PRPH2: variants seen among roughly 807,000 people sequenced by gnomAD.
PRPH2 encodes peripherin-2.
Under a neutral mutation model 31.3 loss-of-function variants are expected in PRPH2, and 17 were observed. That is an observed-to-expected ratio of 0.54 (90% CI 0.37 to 0.81). PRPH2 has a LOEUF of 0.81. PRPH2 is among the 40% of genes least tolerant of loss of function. PRPH2 has a pLI of 0.00. For synonymous variants in PRPH2, 165 were observed against 184.4 expected, an observed-to-expected ratio of 0.89 and a Z score of 0.85; for missense variants, 430 against 439.7, an observed-to-expected ratio of 0.98 and a Z score of 0.20.
intron 1 of PRPH2, among the ~76,000 whole-genome samples, chr6:42,705,686 G>T (rs1161045998): frequency 6.9e-6 from 1 of 144,496 alleles, no homozygotes; most frequent in African/African-American, 2.5e-5. Flanking sequence ...GCCAGGCGCG[G>T]TGGCTCACGC....
chr6:42,699,749 CG>C (rs969175691), intron 2 of PRPH2, among the ~76,000 whole-genome samples: 1 of 151,988 alleles, frequency 6.6e-6, no homozygotes, highest in African/African-American at 2.4e-5. Context: ...AAATAATTGC[CG>C]GGTGTGGTGG....
intron 1 of PRPH2, 111 bp downstream of exon 1, chr6:42,721,643 C>G (rs755379949): frequency 2.8e-5 from 35 of 1,265,998 alleles, no homozygotes; most frequent in Non-Finnish European, 3.9e-5. Context: ...AGTTGTGCAC[C>G]CGATGGAGAG....
At chr6:42,712,965 C>T (rs1761698864) in intron 1 of PRPH2, among the ~76,000 whole-genome samples, 1 of 151,876 alleles carries the variant, frequency 6.6e-6, no homozygotes, top group South Asian at 2.1e-4. Context: ...TGGCTCATGC[C>T]TGTAATCCCA....
intron 2 of PRPH2, among the ~76,000 whole-genome samples, chr6:42,699,542 G>A (rs920695319): frequency 2.0e-5 from 3 of 152,174 alleles, no homozygotes; most frequent in Admixed American, 6.5e-5. Context: ...CAGATTTTCA[G>A]ATGAAGTGGT....
chr6:42,706,753 T>G (rs1800171788), intron 1 of PRPH2, among the ~76,000 whole-genome samples: 1 of 152,242 alleles, frequency 6.6e-6, no homozygotes, highest in African/African-American at 2.4e-5. Flanking sequence ...GTCCATCTTT[T>G]GCTTCTAAAT....
intron 2 of PRPH2, among the ~76,000 whole-genome samples, chr6:42,701,229 A>G (rs188156595): frequency 2.0e-5 from 3 of 152,024 alleles, no homozygotes; most frequent in Admixed American, 1.3e-4. Flanking sequence ...GGTTCAAGCA[A>G]TTCTCCTGCC....
In PRPH2 at chr6:42,709,334, T is replaced by TAAAA. The variant is rs58632063; in HGVS notation, c.582-4727_582-4724dup. 4.3e-3 allele frequency among the ~76,000 whole-genome samples: 334 copies of TAAAA among 77,024 alleles called. 9 individuals carry two copies. Among genetic ancestry groups the TAAAA allele is most frequent in the African/African-American group, 0.016 (317 of 20,156 alleles). The allele number at this position is 77,024 out of a possible 152,430, so 50.5% of individuals were successfully genotyped here. ...AACAGAGTGAGACTCTGTCTCAAAT[T>TAAAA]AAAAAAAAAAAAAAAAAAAAACTTG... On this transcript the variant is annotated intron_variant, in intron 1 of 2. Transcript: ENST00000230381.
intron 1 of PRPH2, among the ~76,000 whole-genome samples, chr6:42,721,164 T>C (rs1019354766): frequency 6.6e-6 from 1 of 152,108 alleles, no homozygotes; most frequent in Non-Finnish European, 1.5e-5. Context: ...GCAGAGTGAC[T>C]AGTGACCTGC....
At chr6:42,715,117 G>A (rs1761750383) in intron 1 of PRPH2, among the ~76,000 whole-genome samples, 1 of 152,148 alleles carries the variant, frequency 6.6e-6, no homozygotes, top group African/African-American at 2.4e-5. Context: ...GTTGAGGCAG[G>A]AGAATCGCTT....
chr6:42,707,900 C>T (rs966483628), intron 1 of PRPH2, among the ~76,000 whole-genome samples: 13 of 152,208 alleles, frequency 8.5e-5, no homozygotes, highest in African/African-American at 3.1e-4. Flanking sequence ...CCTGGGTTTA[C>T]TCCTGGCTCG....
rs1318661179 is a variant in PRPH2 at position 42,721,887 on chromosome 6, A to G, written c.448T>C (p.Cys150Arg). 6.2e-7 allele frequency: 1 copy of G among 1,614,046 alleles called. No individual in the cohort carries two copies. The highest frequency in any genetic ancestry group is 8.5e-7 in the Non-Finnish European group (1 of 1,180,034). Residue 150 changes from cysteine to arginine, a missense_variant, in exon 1 of 3, where the codon TGT becomes CGT. Cys to Arg is a radical substitution (Grantham distance 180). Transcript: ENST00000230381. Reference protein sequence around the residue: ...YYRDTDTPGRCFMKKTIDMLQ... With the variant: ...YYRDTDTPGRRFMKKTIDMLQ... ...ATGTCGATGGTCTTCTTCATGAAAC[A>G]CCTGCCAGGGGTGTCTGTGTCCCGG... is the stretch of plus-strand genomic sequence containing the variant.
intron 1 of PRPH2, among the ~76,000 whole-genome samples, chr6:42,705,684 C>T (rs950735794): frequency 1.4e-5 from 2 of 141,134 alleles, no homozygotes; most frequent in African/African-American, 2.6e-5. Context: ...CAGCCAGGCG[C>T]GGTGGCTCAC....
chr6:42,711,503 C>G (rs1260414564), intron 1 of PRPH2, among the ~76,000 whole-genome samples: 1 of 151,722 alleles, frequency 6.6e-6, no homozygotes, highest in African/African-American at 2.4e-5. Flanking sequence ...GCAGCCCTGT[C>G]TTCAGGGGAC....
At chr6:42,707,003 G>A (rs1238153017) in intron 1 of PRPH2, among the ~76,000 whole-genome samples, 1 of 128,384 alleles carries the variant, frequency 7.8e-6, no homozygotes, top group Non-Finnish European at 1.6e-5. Flanking sequence ...GGCATGGATG[G>A]GGGATGGAGT....
At chr6:42,706,670 AAAGC>A (rs2152006117) in intron 1 of PRPH2, among the ~76,000 whole-genome samples, 1 of 152,250 alleles carries the variant, frequency 6.6e-6, no homozygotes, top group South Asian at 2.1e-4. Context: ...AACATAATAG[AAAGC>A]ATAACTGTTT....
At chr6:42,700,991 T>C (rs1271246027) in intron 2 of PRPH2, among the ~76,000 whole-genome samples, 1 of 151,152 alleles carries the variant, frequency 6.6e-6, no homozygotes, top group African/African-American at 2.4e-5. Context: ...TTCTTTCTTT[T>C]TTTTTTTTTT....
intron 1 of PRPH2, among the ~76,000 whole-genome samples, chr6:42,705,599 A>AAAAAAAAATAT (rs1562424252): frequency 4.6e-5 from 1 of 21,590 alleles, no homozygotes; most frequent in African/African-American, 1.8e-4. Context: ...AAAAAAAAAA[A>AAAAAAAAATAT]ATATATATAT....
intron 1 of PRPH2, among the ~76,000 whole-genome samples, chr6:42,710,222 C>CG (rs1800249914): frequency 1.3e-5 from 2 of 151,870 alleles, no homozygotes; most frequent in South Asian, 4.2e-4. Context: ...TCCCTGAGGA[C>CG]GGGGCTGTGT....
intron 1 of PRPH2, among the ~76,000 whole-genome samples, chr6:42,707,944 C>A (rs1800197755): frequency 6.6e-6 from 1 of 152,216 alleles, no homozygotes; most frequent in Non-Finnish European, 1.5e-5. Flanking sequence ...TGGACAAGTT[C>A]CTTAACCTCT....
Sources: allele counts gnomAD v4.1 joint callset (sites outside exome capture counted in the v4.1 genomes callset), GRCh38; gene constraint gnomAD v4.1.1; transcripts MANE v1.5; gene names NCBI Gene and HGNC (gene_info 2026-07-23, HGNC 2026-07-21).